ALOXE3: variants seen among roughly 807,000 people sequenced by gnomAD.
ALOXE3 encodes arachidonate epidermal lipoxygenase 3.
In ALOXE3, 78 loss-of-function variants were observed where a neutral mutation model predicts 87.5. The observed-to-expected ratio is 0.89, with a 90% CI of 0.74 to 1.08. The LOEUF is 1.08. Among genes scored for constraint, ALOXE3 ranks in the 50% least tolerant of loss-of-function variants. The pLI, the probability that ALOXE3 is intolerant of heterozygous loss-of-function variation, is 0.00. For synonymous variants in ALOXE3, 363 were observed against 370.8 expected (o/e 0.98, Z 0.24); for missense variants, 946 against 912.4 (o/e 1.04, Z -0.47).
intron 7 of ALOXE3, 107 bp from the exon 8 acceptor site, chr17:8,111,638 C>G (rs1980100153): frequency 8.7e-7 from 1 of 1,152,684 alleles, no homozygotes; most frequent in Non-Finnish European, 1.3e-6. Context: ...TTCCCAAAAA[C>G]TCTATGAGGT....
chr17:8,111,736 T>C (rs944198760), intron 7 of ALOXE3, among the ~76,000 whole-genome samples: 1 of 152,196 alleles, frequency 6.6e-6, no homozygotes, highest in Admixed American at 6.5e-5. Context: ...GAGCAGGGAT[T>C]TGAGAACCTA....
In ALOXE3 at chr17:8,104,209, G is replaced by A; in HGVS notation, c.1691C>T (p.Pro564Leu). 6.2e-7 allele frequency: 1 copy of A among 1,613,602 alleles called. No homozygotes were observed. The highest frequency in any genetic ancestry group is 8.5e-7 in the Non-Finnish European group (1 of 1,179,706). Residue 564 changes from proline to leucine, a missense_variant, in exon 14 of 16, where the codon CCA (proline) becomes CTA (leucine). Transcript: ENST00000448843. ...AFLGRESSGF[P>L]SRLCTPGEMV... ...CTCTCCTGGGGTGCACAGCCGGCTT[G>A]GGAAACCTGGGTGTGGGGAGGAAGG...
intron 15 of ALOXE3, among the ~76,000 whole-genome samples, chr17:8,098,653 T>C (rs1978725044): frequency 6.6e-6 from 1 of 152,206 alleles, no homozygotes; most frequent in South Asian, 2.1e-4. Flanking sequence ...TTGAGATAAT[T>C]ATATGGTATG....
intron 13 of ALOXE3, among the ~76,000 whole-genome samples, chr17:8,106,109 G>C (rs1344836284): frequency 6.6e-6 from 1 of 151,858 alleles, no homozygotes; most frequent in Non-Finnish European, 1.5e-5. Context: ...GAGGCTGGGA[G>C]AGGTGGGACT....
chr17:8,096,610 G>A lies in ALOXE3; in HGVS notation c.*17C>T, dbSNP rs761086809. 1 of 1,105,140 alleles carries A rather than the reference G, an allele frequency of 9.0e-7. No individual in the cohort carries two copies. Among genetic ancestry groups the A allele is most frequent in the Admixed American group, 1.7e-5 (1 of 59,342 alleles). The allele number at this position is 1,105,140 out of a possible 1,614,324, so 68.5% of individuals were successfully genotyped here. Reference sequence around the variant, plus strand: ...TGCTTGGACCTTTCTTTCTTCTTGGGTGGTATTTGGGGGTGGTTAGATGGA... The same window carrying A: ...TGCTTGGACCTTTCTTTCTTCTTGGATGGTATTTGGGGGTGGTTAGATGGA... On this transcript the variant is annotated 3_prime_UTR_variant, in exon 16 of 16. Coordinates refer to ENST00000448843, the MANE Select transcript of ALOXE3 (RefSeq NM_021628.3).
In ALOXE3 at chr17:8,100,234, C is replaced by T. The variant is rs58212531; in HGVS notation, c.1956+3089G>A. Among the ~76,000 whole-genome samples the T allele has an allele frequency of 0.013, 2,033 of 152,218 alleles. 84 individuals carry two copies. The East Asian group carries it at 0.16, about 12-fold the overall frequency. The stretch of plus-strand genomic sequence containing the variant: ...TTGAAGAAATCTGAAAGCTTGTTTG[C>T]AATCTTGGAAGCCAGCCACCGTGCT... On this transcript the variant is annotated intron_variant, in intron 15 of 15. Transcript: ENST00000448843.
At position 8,109,275 on chromosome 17, in the gene ALOXE3, G is replaced by T. The variant is rs953341224; in HGVS notation, c.1461C>A (p.Thr487=). The T allele has an allele frequency of 1.4e-5, 22 of 1,614,036 alleles. No homozygotes were observed. Among genetic ancestry groups the T allele is most frequent in the Non-Finnish European group, 1.9e-5 (22 of 1,180,060 alleles). ...MSTGLAHFTY[T]NFCLPDSLRA... is the part of the protein sequence containing the mutation. ...GCAGGCTGTCCGGAAGGCAGAAATT[G>T]GTGTAGGTGAAGTGGGCCAGGCCCG... The change falls in exon 12 of 16, where the codon ACC becomes ACA. Residue 487 remains threonine, a synonymous_variant. Transcript: ENST00000448843.
Position 8,109,988 on chromosome 17 carries a change from G to A in ALOXE3, c.1320C>T (p.His440=), listed in dbSNP as rs1017262034. 1.3e-6 allele frequency: 2 copies of A among 1,553,570 alleles called. No homozygotes were observed. The highest frequency in any genetic ancestry group is 1.7e-6 in the Non-Finnish European group (2 of 1,148,078). ...TGTTCACCTGCAGCGTGTATCGAGTGTGGGGGAGTAGGAGCTGCGAGCGGA... is the reference window on the plus strand; with the variant it reads ...TGTTCACCTGCAGCGTGTATCGAGTATGGGGGAGTAGGAGCTGCGAGCGGA... ...CHPIYKLLLP[H]TRYTLQVNTI... The change falls in exon 11 of 16, where the codon CAC becomes CAT. Residue 440 remains histidine, a synonymous_variant. Transcript: ENST00000448843.
Position 8,111,484 on chromosome 17 carries a change from A to G in ALOXE3, c.832T>C (p.Tyr278His), listed in dbSNP as rs758981995. The G allele has an allele frequency of 8.7e-6, 14 of 1,614,110 alleles. No homozygotes were observed. The highest frequency in any genetic ancestry group is 1.7e-5 in the Admixed American group (1 of 60,010). The change falls in exon 8 of 16, where the codon TAC becomes CAC. Residue 278 changes from tyrosine to histidine, a missense_variant. By Grantham distance (83) the Tyr-to-His change is moderately conservative. Transcript: ENST00000448843. Reference protein sequence around the residue: ...WCEDHFFGYQYLNGVNPVMLH... With the variant: ...WCEDHFFGYQHLNGVNPVMLH... ...ATGACGGGATTGACACCATTCAGGT[A>G]CTGGTACCCAAAGAAGTGATCTTCA...
chr17:8,113,076 C>A (rs1024995380), intron 6 of ALOXE3, among the ~76,000 whole-genome samples: 10 of 152,148 alleles, frequency 6.6e-5, no homozygotes, highest in African/African-American at 2.4e-4. Context: ...GGTAGAAAGC[C>A]ATCTACTCCA....
chr17:8,113,833 C>G (rs952315263), intron 6 of ALOXE3, among the ~76,000 whole-genome samples: 1 of 151,986 alleles, frequency 6.6e-6, no homozygotes, highest in African/African-American at 2.4e-5. Flanking sequence ...TTGAGACCAG[C>G]CTAACCAACA....
At chr17:8,116,566 C>T (rs946686248) in intron 3 of ALOXE3, among the ~76,000 whole-genome samples, 4 of 152,172 alleles carry the variant, frequency 2.6e-5, no homozygotes, top group African/African-American at 9.7e-5. Flanking sequence ...GTGTATGTGT[C>T]TATGTGAGTC....
chr17:8,114,394 G>A (rs2151844211), intron 6 of ALOXE3, 90 bp downstream of exon 6: 1 of 1,576,506 alleles, frequency 6.3e-7, no homozygotes, highest in East Asian at 2.2e-5. Flanking sequence ...GGGGATACTG[G>A]GAATAGGGAG....
At chr17:8,105,743 A>T (rs568793451) in intron 13 of ALOXE3, among the ~76,000 whole-genome samples, 26 of 151,958 alleles carry the variant, frequency 1.7e-4, no homozygotes, top group Non-Finnish European at 7.4e-5. Context: ...TCTCTAAAAA[A>T]CATTTTTTAA....
Position 8,114,933 on chromosome 17 carries a change from T to C in ALOXE3, c.554+5A>G. On this transcript the variant is annotated splice_donor_5th_base_variant and intron_variant, in intron 5 of 15. Transcript: ENST00000448843. Reference sequence around the variant, plus strand: ...TTCCCCTCCTTCCCAAGCTTTAATCTTCACCTGTCACCCTGGTCTACACAA... The same window carrying C: ...TTCCCCTCCTTCCCAAGCTTTAATCCTCACCTGTCACCCTGGTCTACACAA... 1.9e-6 allele frequency: 3 copies of C among 1,614,112 alleles called. No homozygotes were observed. The highest frequency in any genetic ancestry group is 2.5e-6 in the Non-Finnish European group (3 of 1,180,026).
At position 8,109,976 on chromosome 17, in the gene ALOXE3, C is replaced by G. The variant is rs1979891124; in HGVS notation, c.1332G>C (p.Thr444=). ...CCCTCGCGATGGTGTTCACCTGCAG[C>G]GTGTATCGAGTGTGGGGGAGTAGGA... ...YKLLLPHTRY[T]LQVNTIARAT... Residue 444 remains threonine, a synonymous_variant, in exon 11 of 16, where the codon ACG becomes ACC. Coordinates refer to ENST00000448843, the MANE Select transcript of ALOXE3 (RefSeq NM_021628.3). The G allele has an allele frequency of 4.5e-6, 7 of 1,552,284 alleles. No homozygotes were observed. The highest frequency in any genetic ancestry group is 6.1e-6 in the Non-Finnish European group (7 of 1,147,402).
In ALOXE3 at chr17:8,107,458, A is replaced by G. The variant is rs60831800; in HGVS notation, c.1684+1010T>C. Reference sequence around the variant, plus strand: ...CTTGAACCCAGGAGGTGGAGGTTGCAGTAAGCCGAGATTGTGCCTCCACAC... The same window carrying G: ...CTTGAACCCAGGAGGTGGAGGTTGCGGTAAGCCGAGATTGTGCCTCCACAC... On this transcript the variant is annotated intron_variant, in intron 13 of 15. Transcript: ENST00000448843. Among the ~76,000 whole-genome samples the G allele has an allele frequency of 9.1e-3, 1,379 of 152,306 alleles. 24 individuals carry two copies. The highest frequency in any genetic ancestry group is 0.029 in the African/African-American group (1,205 of 41,562).
chr17:8,101,504 C>T (rs1338329725), intron 15 of ALOXE3, among the ~76,000 whole-genome samples: 6 of 152,194 alleles, frequency 3.9e-5, no homozygotes, highest in Non-Finnish European at 8.8e-5. Flanking sequence ...CCTCCACCCT[C>T]ATGCTGTTGT....
intron 13 of ALOXE3, among the ~76,000 whole-genome samples, chr17:8,107,678 A>G (rs1165151628): frequency 6.6e-6 from 1 of 151,444 alleles, no homozygotes; most frequent in East Asian, 1.9e-4. Flanking sequence ...GGGTGCCTGT[A>G]GTCCCAGCTA....
Sources: gnomAD v4.1 joint callset for allele counts (sites outside exome capture counted in the v4.1 genomes callset) on GRCh38, gnomAD v4.1.1 for gene constraint, MANE v1.5 for transcripts, NCBI Gene and HGNC (gene_info 2026-07-23, HGNC 2026-07-21) for gene names.